SEPHS1: variants seen among roughly 807,000 people sequenced by gnomAD.
The protein encoded by SEPHS1 is zincore component SEPHS1.
In SEPHS1, 7 loss-of-function variants were observed where a neutral mutation model predicts 39.2. That is an observed-to-expected ratio of 0.18 (90% CI 0.10 to 0.34). SEPHS1 has a LOEUF of 0.34. Ranked by LOEUF, SEPHS1 falls within the 10% of genes least tolerant of loss-of-function variation. The pLI, the probability that SEPHS1 is intolerant of heterozygous loss-of-function variation, is 1.00. For synonymous variants in SEPHS1, 190 were observed against 195.5 expected (o/e 0.97, Z 0.23); for missense variants, 253 against 514.5 (o/e 0.49, Z 4.92).
intron 3 of SEPHS1, 88 bp from the exon 4 acceptor site, chr10:13,336,438 A>G (rs1162161701): frequency 1.0e-6 from 1 of 960,884 alleles, no homozygotes; most frequent in African/African-American, 1.6e-5. Flanking sequence ...CTCCACAGAG[A>G]ACGTGGAGAC....
At chr10:13,323,506 C>T (rs1833173862) in intron 7 of SEPHS1, among the ~76,000 whole-genome samples, 1 of 152,054 alleles carries the variant, frequency 6.6e-6, no homozygotes, top group South Asian at 2.1e-4. Flanking sequence ...AGGTGCGCAC[C>T]ACCACGCCCA....
At chr10:13,342,767 ACT>A (rs1833831756) in intron 2 of SEPHS1, among the ~76,000 whole-genome samples, 1 of 150,560 alleles carries the variant, frequency 6.6e-6, no homozygotes, top group East Asian at 1.9e-4. Flanking sequence ...GCAGGGTCTC[ACT>A]CTGTCTCCCA....
chr10:13,347,395 C>G (rs1415166835), intron 1 of SEPHS1: 1 of 151,250 alleles, frequency 6.6e-6, no homozygotes, highest in Middle Eastern at 3.2e-3. Flanking sequence ...CTCAGGCCCT[C>G]GCCGCCGCCT....
At chr10:13,333,721 T>G in intron 5 of SEPHS1, 96 bp downstream of exon 5, 14 of 1,281,036 alleles carry the variant, frequency 1.1e-5, no homozygotes, top group Non-Finnish European at 1.4e-5. Context: ...ATCATATGTG[T>G]GAGCCACTGC....
At chr10:13,344,563 G>GACCCAA (rs1480998142) in intron 2 of SEPHS1, among the ~76,000 whole-genome samples, 195 bp downstream of exon 2, 2 of 152,078 alleles carry the variant, frequency 1.3e-5, no homozygotes, top group Non-Finnish European at 2.9e-5. Context: ...CTATTTGGGT[G>GACCCAA]ATGGCTACAC....
At chr10:13,334,946 C>G (rs1304289578) in intron 4 of SEPHS1, among the ~76,000 whole-genome samples, 3 of 152,146 alleles carry the variant, frequency 2.0e-5, no homozygotes, top group Admixed American at 6.5e-5. Context: ...CAGTAGGCAT[C>G]CATCCTACCA....
intron 5 of SEPHS1, among the ~76,000 whole-genome samples, chr10:13,332,203 G>A (rs899283744): frequency 4.6e-5 from 7 of 152,230 alleles, no homozygotes; most frequent in South Asian, 2.1e-4. Context: ...AAAGGAATGC[G>A]ATACCGATTC....
At chr10:13,338,971 C>T (rs781102032) in intron 2 of SEPHS1, 163 bp from the exon 3 acceptor site, 76 of 625,520 alleles carry the variant, frequency 1.2e-4, no homozygotes, top group Non-Finnish European at 2.0e-4. Flanking sequence ...CTGAAATAAA[C>T]GTGAAACATA....
intron 2 of SEPHS1, among the ~76,000 whole-genome samples, chr10:13,341,498 AC>A (rs1833783622): frequency 6.8e-6 from 1 of 146,276 alleles, no homozygotes; most frequent in Non-Finnish European, 1.5e-5. Flanking sequence ...GCTCCTAGGC[AC>A]CAGGCAACAA....
chr10:13,338,775 C>T lies in SEPHS1; in HGVS notation c.227G>A (p.Arg76Lys). 6.2e-7 allele frequency: 1 copy of T among 1,614,118 alleles called. No individual in the cohort carries two copies. Among genetic ancestry groups the T allele is most frequent in the Non-Finnish European group, 8.5e-7 (1 of 1,179,992 alleles). ...IGMDTCVIPL[R>K]HGGLSLVQTT... ...TTGAACCAAGGAAAGCCCACCGTGC[C>T]TCAAAGGAATGACACAAGTATCCAT... Residue 76 changes from arginine to lysine, a missense_variant, in exon 3 of 9, where the codon AGG becomes AAG. Arg to Lys is a conservative substitution (Grantham distance 26). Transcript: ENST00000327347.
At chr10:13,338,091 T>C (rs1257056900) in intron 3 of SEPHS1, among the ~76,000 whole-genome samples, 10 of 152,154 alleles carry the variant, frequency 6.6e-5, no homozygotes. Context: ...AGTAAACAAC[T>C]GGGGAACACA....
chr10:13,348,175 C>T lies in SEPHS1; in HGVS notation c.-254G>A, dbSNP rs1165932686. On this transcript the variant is annotated 5_prime_UTR_variant, in exon 1 of 9. Transcript: ENST00000327347. ...CTGGGCGCCGCGGGGGCTCGCCTGC[C>T]TCGGCGCGGCCCTGCGGGAGCCGGG... The T allele has an allele frequency of 2.1e-5, 3 of 144,302 alleles. No homozygotes were observed. Among genetic ancestry groups the T allele is most frequent in the Non-Finnish European group, 4.6e-5 (3 of 65,090 alleles). The allele number at this position is 144,302 out of a possible 1,614,324, so 8.9% of individuals were successfully genotyped here.
At chr10:13,345,705 C>A (rs1053529848) in intron 1 of SEPHS1, among the ~76,000 whole-genome samples, 10 of 152,092 alleles carry the variant, frequency 6.6e-5, no homozygotes, top group South Asian at 6.2e-4. Context: ...GGCGAAACCC[C>A]GTCTCTACTA....
intron 2 of SEPHS1, among the ~76,000 whole-genome samples, chr10:13,343,346 T>C (rs1833846834): frequency 6.6e-6 from 1 of 152,136 alleles, no homozygotes; most frequent in Non-Finnish European, 1.5e-5. Context: ...CGGCAGGAAC[T>C]GTTTTCAAAC....
At chr10:13,334,838 C>G (rs369951256) in intron 4 of SEPHS1, among the ~76,000 whole-genome samples, 1 of 152,240 alleles carries the variant, frequency 6.6e-6, no homozygotes, top group South Asian at 2.1e-4. Flanking sequence ...ACTCAGTGCA[C>G]AGGACCAGCC....
At chr10:13,339,957 A>G (rs1265139526) in intron 2 of SEPHS1, among the ~76,000 whole-genome samples, 2 of 152,206 alleles carry the variant, frequency 1.3e-5, no homozygotes, top group Non-Finnish European at 2.9e-5. Flanking sequence ...CTGTACTTCT[A>G]CTTTGCAGCC....
chr10:13,337,905 C>G (rs1833684961), intron 3 of SEPHS1, among the ~76,000 whole-genome samples: 1 of 152,202 alleles, frequency 6.6e-6, no homozygotes, highest in Admixed American at 6.5e-5. Flanking sequence ...ACGTGGCTGC[C>G]TCATGATAAA....
chr10:13,339,940 G>A (rs72783317), intron 2 of SEPHS1, among the ~76,000 whole-genome samples: 17,908 of 152,136 alleles, frequency 0.12, 1,461 homozygotes, highest in Non-Finnish European at 0.17. Flanking sequence ...AGATACAGAG[G>A]GGGATGCTGT....
chr10:13,334,900 C>T (rs565419824), intron 4 of SEPHS1, among the ~76,000 whole-genome samples: 13 of 152,192 alleles, frequency 8.5e-5, no homozygotes, highest in Non-Finnish European at 1.8e-4. Context: ...TTGAGAATCT[C>T]AAGACTGGCT....
Sources: allele counts gnomAD v4.1 joint callset (sites outside exome capture counted in the v4.1 genomes callset), GRCh38; gene constraint gnomAD v4.1.1; transcripts MANE v1.5; gene names NCBI Gene and HGNC (gene_info 2026-07-23, HGNC 2026-07-21).